RPS6KC1: variants seen among roughly 807,000 people sequenced by gnomAD.
RPS6KC1 encodes ribosomal protein S6 kinase C1, also known as inactive ribosomal protein S6 kinase delta-1.
Under a neutral mutation model 103.8 loss-of-function variants are expected in RPS6KC1, and 54 were observed. The ratio of observed to expected loss-of-function variants is 0.52; its 90% CI spans 0.42 to 0.65. RPS6KC1 has a LOEUF of 0.65. RPS6KC1 is among the 30% of genes least tolerant of loss of function. RPS6KC1 has a pLI of 0.00. For missense variants in RPS6KC1, 1,151 were observed against 1,253.8 expected (o/e 0.92, Z 1.24); for synonymous variants, 439 against 438.7 (o/e 1.00, Z -0.01).
At chr1:213,370,323 C>CT in the RPS6KC1 span, among the ~76,000 whole-genome samples, 1 of 148,346 alleles carries the variant, frequency 6.7e-6, no homozygotes, top group South Asian at 2.1e-4. Context: ...CAGGATACAT[C>CT]TTTAAGAACA....
the RPS6KC1 span, among the ~76,000 whole-genome samples, chr1:213,359,767 C>G: frequency 1.3e-5 from 2 of 152,202 alleles, no homozygotes; most frequent in Admixed American, 6.5e-5. Context: ...GACAAAATCT[C>G]TCAGCATTTG....
At chr1:213,860,831 C>T in the RPS6KC1 span, among the ~76,000 whole-genome samples, 1 of 150,716 alleles carries the variant, frequency 6.6e-6, no homozygotes, top group African/African-American at 2.5e-5. Flanking sequence ...TTTTTTGACA[C>T]AGGGTCTCAC....
chr1:213,583,820 CAAAA>C, the RPS6KC1 span, among the ~76,000 whole-genome samples: 497 of 76,662 alleles, frequency 6.5e-3, 6 homozygotes, highest in African/African-American at 0.019. Flanking sequence ...GATTCTGTCT[CAAAA>C]AAAAAAAAAA....
At chr1:213,260,780 A>C (rs1287521217) in intron 12 of RPS6KC1, among the ~76,000 whole-genome samples, 1 of 150,864 alleles carries the variant, frequency 6.6e-6, no homozygotes, top group Admixed American at 6.6e-5. Context: ...AAAAAGGTGA[A>C]ATGAGGAGTT....
chr1:213,664,793 T>C, the RPS6KC1 span, among the ~76,000 whole-genome samples: 1 of 152,144 alleles, frequency 6.6e-6, no homozygotes, highest in Non-Finnish European at 1.5e-5. Context: ...GTTGAATAAA[T>C]ATATTTGAAG....
the RPS6KC1 span, among the ~76,000 whole-genome samples, chr1:213,353,225 A>G: frequency 1.3e-5 from 2 of 152,232 alleles, no homozygotes; most frequent in East Asian, 1.9e-4. Flanking sequence ...TATCCATTGA[A>G]TATCTACTGA....
chr1:213,259,600 C>T (rs1371834643), intron 12 of RPS6KC1, among the ~76,000 whole-genome samples: 1 of 152,152 alleles, frequency 6.6e-6, no homozygotes, highest in Non-Finnish European at 1.5e-5. Context: ...ATCAGTAAAA[C>T]ATCTTGTCAT....
At chr1:213,401,077 T>A in the RPS6KC1 span, among the ~76,000 whole-genome samples, 1 of 152,158 alleles carries the variant, frequency 6.6e-6, no homozygotes, top group African/African-American at 2.4e-5. Context: ...GGGAGTGGGC[T>A]GAGGGTTGGG....
At chr1:213,146,340 C>T (rs927929622) in intron 6 of RPS6KC1, among the ~76,000 whole-genome samples, 1 of 151,696 alleles carries the variant, frequency 6.6e-6, no homozygotes, top group African/African-American at 2.4e-5. Flanking sequence ...GTAAATAGTG[C>T]TGCAGTAAAT....
intron 12 of RPS6KC1, among the ~76,000 whole-genome samples, chr1:213,259,027 A>G (rs1186015148): frequency 6.6e-6 from 1 of 152,218 alleles, no homozygotes; most frequent in East Asian, 1.9e-4. Context: ...GTTATAGATG[A>G]CATCAAGTGA....
At chr1:213,237,172 G>A (rs1375134710) in intron 10 of RPS6KC1, among the ~76,000 whole-genome samples, 1 of 151,896 alleles carries the variant, frequency 6.6e-6, no homozygotes, top group African/African-American at 2.4e-5. Context: ...ATCTTTATGA[G>A]TATATTTAGG....
chr1:213,767,375 T>A, the RPS6KC1 span, among the ~76,000 whole-genome samples: 1 of 150,888 alleles, frequency 6.6e-6, no homozygotes, highest in African/African-American at 2.5e-5. Context: ...TTTACATATG[T>A]ATATATATAT....
the RPS6KC1 span, among the ~76,000 whole-genome samples, chr1:213,425,193 A>G: frequency 1.3e-5 from 2 of 152,218 alleles, no homozygotes; most frequent in Non-Finnish European, 2.9e-5. Context: ...TGGTTGACAA[A>G]TAACAACAGC....
chr1:213,862,492 T>C, the RPS6KC1 span, among the ~76,000 whole-genome samples: 50 of 152,178 alleles, frequency 3.3e-4, no homozygotes, highest in Admixed American at 3.2e-3. Context: ...AATCAATTAC[T>C]GTACCAGGAT....
At chr1:213,055,272 G>A (rs1470710291) in intron 1 of RPS6KC1, among the ~76,000 whole-genome samples, 3 of 151,724 alleles carry the variant, frequency 2.0e-5, no homozygotes, top group Non-Finnish European at 4.4e-5. Context: ...TGTCACTATA[G>A]ATTGGGTTGT....
intron 6 of RPS6KC1, among the ~76,000 whole-genome samples, chr1:213,167,439 A>AAAACACACAC (rs552454495): frequency 4.0e-5 from 3 of 75,946 alleles, no homozygotes; most frequent in African/African-American, 2.7e-4. Context: ...CAAGGTTGAA[A>AAAACACACAC]ACACACACAC....
At chr1:213,354,372 G>A in the RPS6KC1 span, among the ~76,000 whole-genome samples, 5 of 152,170 alleles carry the variant, frequency 3.3e-5, no homozygotes, top group Admixed American at 6.5e-5. Context: ...CCTCTCATGT[G>A]TATGAACTCA....
In RPS6KC1 at chr1:213,127,308, A is replaced by T. The variant is rs569148912; in HGVS notation, c.473-2219A>T. On this transcript the variant is annotated intron_variant, in intron 5 of 14. Transcript: ENST00000366960. ...GCATGAATCAAGGCAGTGTCACCAAACCGTAACAGTACTCATTGCACATAC... is the reference window on the plus strand; with the variant it reads ...GCATGAATCAAGGCAGTGTCACCAATCCGTAACAGTACTCATTGCACATAC... Among the ~76,000 whole-genome samples the T allele has an allele frequency of 3.3e-5, 5 of 152,286 alleles. No homozygotes were observed. In the East Asian group the frequency reaches 9.6e-4, roughly 29 times the overall value.
the RPS6KC1 span, chr1:213,843,489 C>T: frequency 6.6e-6 from 1 of 152,140 alleles, no homozygotes; most frequent in Non-Finnish European, 1.5e-5. Flanking sequence ...TTACCGGACC[C>T]CAACCTGAAG....
Sources: gnomAD v4.1 joint callset for allele counts (sites outside exome capture counted in the v4.1 genomes callset) on GRCh38, gnomAD v4.1.1 for gene constraint, MANE v1.5 for transcripts, NCBI Gene and HGNC (gene_info 2026-07-23, HGNC 2026-07-21) for gene names.